The following SPA17 variants were observed in gnomAD, a reference collection of about 807,000 sequenced individuals.
SPA17 encodes the protein sperm autoantigenic protein 17.
SPA17 carries 7 observed loss-of-function variants against 13.8 expected under a neutral mutation model. The ratio of observed to expected loss-of-function variants is 0.51; its 90% CI spans 0.29 to 0.95. The LOEUF is 0.95. Among genes scored for constraint, SPA17 ranks in the 40% least tolerant of loss-of-function variants. The probability of loss-of-function intolerance (pLI) is 0.08; values close to 1 mark genes in which losing one functional copy is unlikely to be tolerated. For synonymous variants in SPA17, 61 were observed against 59.0 expected (o/e 1.03, Z -0.16); for missense variants, 170 against 179.3 (o/e 0.95, Z 0.30).
At chr11:124,690,333 G>A (rs1159937715) in intron 3 of SPA17, among the ~76,000 whole-genome samples, 2 of 152,166 alleles carry the variant, frequency 1.3e-5, no homozygotes, top group Non-Finnish European at 2.9e-5. Context: ...GAAACAGGAG[G>A]CCATTATCTT....
intron 4 of SPA17, among the ~76,000 whole-genome samples, chr11:124,692,149 A>G (rs1328556903): frequency 6.6e-6 from 1 of 152,230 alleles, no homozygotes; most frequent in Non-Finnish European, 1.5e-5. Flanking sequence ...GGCAAATTTC[A>G]GAGATAACAA....
Position 124,695,524 on chromosome 11 carries a change from A to C in SPA17, c.*1078A>C, listed in dbSNP as rs1477630033. 1.3e-5 allele frequency: 2 copies of C among 152,190 alleles called. No homozygotes were observed. The highest frequency in any genetic ancestry group is 1.5e-5 in the Non-Finnish European group (1 of 68,026). The allele number at this position is 152,190 out of a possible 1,614,324, so 9.4% of individuals were successfully genotyped here. ...CCTTTTTGAGGCCTCTCCACCCTTGATTGTCCAAGAAACTGAGGGTTCATG... is the reference window on the plus strand; with the variant it reads ...CCTTTTTGAGGCCTCTCCACCCTTGCTTGTCCAAGAAACTGAGGGTTCATG... On this transcript the variant is annotated 3_prime_UTR_variant, in exon 5 of 5. Transcript: ENST00000227135.
In SPA17 at chr11:124,694,319, A is replaced by G; in HGVS notation, c.329A>G (p.Asp110Gly). 6.2e-7 allele frequency: 1 copy of G among 1,613,792 alleles called. No individual in the cohort carries two copies. The change falls in exon 5 of 5, where the codon GAT becomes GGT. Residue 110 changes from aspartate (D) to glycine (G), a missense_variant. Transcript: ENST00000227135. ...SVTILDSSEEDKEKEEVAAVK... is the reference protein window; with the variant it reads ...SVTILDSSEEGKEKEEVAAVK... Reference sequence around the variant, plus strand: ...TCGATGAAGGACTCTTCTGAGGAAGATAAGGAAAAAGAAGAGGTTGCTGCT... The same window carrying G: ...TCGATGAAGGACTCTTCTGAGGAAGGTAAGGAAAAAGAAGAGGTTGCTGCT...
chr11:124,694,471 A>G lies in SPA17; in HGVS notation c.*25A>G, dbSNP rs375034133. 1.3e-6 allele frequency: 2 copies of G among 1,577,260 alleles called. No individual in the cohort carries two copies. Among genetic ancestry groups the G allele is most frequent in the African/African-American group, 2.7e-5 (2 of 72,938 alleles). On this transcript the variant is annotated 3_prime_UTR_variant, in exon 5 of 5. Transcript: ENST00000227135. ...AGGACACTGGTTTTACCTCCAGGAA[A>G]CATGAAAAATAATCCAAATCCATCA...
At chr11:124,679,186 T>A (rs76626799) in intron 2 of SPA17, among the ~76,000 whole-genome samples, 3,508 of 151,240 alleles carry the variant, frequency 0.023, 61 homozygotes, top group Non-Finnish European at 0.034. Context: ...GTGAAACATA[T>A]GAGCCTAACT....
chr11:124,677,550 A>G (rs1943482008), intron 2 of SPA17, among the ~76,000 whole-genome samples: 1 of 152,234 alleles, frequency 6.6e-6, no homozygotes, highest in African/African-American at 2.4e-5. Context: ...GAAAATATGG[A>G]TGAATTTCTC....
intron 3 of SPA17, among the ~76,000 whole-genome samples, chr11:124,688,895 A>T (rs1398559099): frequency 6.6e-6 from 1 of 152,212 alleles, no homozygotes; most frequent in African/African-American, 2.4e-5. Flanking sequence ...AAAAGACAGC[A>T]ATTACTTTTG....
chr11:124,678,518 G>C (rs184797897), intron 2 of SPA17, among the ~76,000 whole-genome samples: 20 of 125,718 alleles, frequency 1.6e-4, no homozygotes, highest in East Asian at 1.0e-3. Flanking sequence ...ATACATAACT[G>C]TGTGTGTGTG....
intron 3 of SPA17, among the ~76,000 whole-genome samples, chr11:124,689,266 G>A (rs903427524): frequency 7.2e-5 from 11 of 152,154 alleles, no homozygotes; most frequent in African/African-American, 2.7e-4. Flanking sequence ...AAGAATGTAT[G>A]ACTAAGATCA....
At chr11:124,680,571 T>C (rs937126702) in intron 2 of SPA17, among the ~76,000 whole-genome samples, 22 of 152,134 alleles carry the variant, frequency 1.4e-4, no homozygotes, top group African/African-American at 4.6e-4. Context: ...AACAAATAAA[T>C]AGACAATGGA....
At chr11:124,686,374 T>G (rs1018932374) in intron 3 of SPA17, among the ~76,000 whole-genome samples, 5 of 152,216 alleles carry the variant, frequency 3.3e-5, no homozygotes, top group African/African-American at 7.2e-5. Flanking sequence ...CAGGTATTTC[T>G]TCATAACACT....
chr11:124,684,178 A>T (rs1565424932), intron 3 of SPA17, among the ~76,000 whole-genome samples: 1 of 152,210 alleles, frequency 6.6e-6, no homozygotes, highest in Non-Finnish European at 1.5e-5. Flanking sequence ...GCCATGCAGA[A>T]CTGTGAATCA....
At position 124,694,539 on chromosome 11, in the gene SPA17, G is replaced by C; in HGVS notation, c.*93G>C. The C allele has an allele frequency of 6.8e-7, 1 of 1,476,634 alleles. No individual in the cohort carries two copies. The allele number at this position is 1,476,634 out of a possible 1,614,324, so 91.5% of individuals were successfully genotyped here. A position where few individuals can be genotyped will look rare whatever the true frequency, so the allele number is the denominator to read the frequency against. On this transcript the variant is annotated 3_prime_UTR_variant, in exon 5 of 5. Transcript: ENST00000227135. ...ATTTCTTCCTGAGGAAGGAAGATTT[G>C]ATGTTGTGAAATAACATTCGTTACT... is the stretch of plus-strand genomic sequence containing the variant.
chr11:124,696,373 G>A lies in SPA17; in HGVS notation c.*1927G>A, dbSNP rs1441960502. The A allele has an allele frequency of 6.6e-6, 1 of 151,716 alleles. No homozygotes were observed. Among genetic ancestry groups the A allele is most frequent in the Non-Finnish European group, 1.5e-5 (1 of 67,950 alleles). 9.4% of individuals were successfully genotyped at this position (151,716 alleles called of 1,614,324 possible). On this transcript the variant is annotated 3_prime_UTR_variant, in exon 5 of 5. Transcript: ENST00000227135. The stretch of plus-strand genomic sequence containing the variant: ...TGGAGAGATCAGAAGAGGAAAAAAG[G>A]GATTTTTTCCCTAGTGAGTATATAG...
chr11:124,687,314 A>G (rs1337437796), intron 3 of SPA17, among the ~76,000 whole-genome samples: 2 of 151,418 alleles, frequency 1.3e-5, no homozygotes, highest in African/African-American at 4.9e-5. Flanking sequence ...CCCCAACACC[A>G]CCAAAAAAAA....
rs1943418041 is a variant in SPA17 at position 124,673,917 on chromosome 11, AC to A, written c.-61del. The A allele has an allele frequency of 1.7e-6, 1 of 591,206 alleles. No individual in the cohort carries two copies. The highest frequency in any genetic ancestry group is 1.9e-5 in the African/African-American group (1 of 52,758). The allele number at this position is 591,206 out of a possible 1,614,324, so 36.6% of individuals were successfully genotyped here. A position where few individuals can be genotyped will look rare whatever the true frequency, so the allele number is the denominator to read the frequency against. ...CGGTTACCCAGCAACTAGAAAAACA[AC>A]CGGAACCGGCGGCACCAGCTCGGAG... On this transcript the variant is annotated 5_prime_UTR_variant, in exon 1 of 5. Coordinates refer to ENST00000227135, the MANE Select transcript of SPA17 (RefSeq NM_017425.4).
At chr11:124,681,783 G>T (rs1189292153) in intron 3 of SPA17, among the ~76,000 whole-genome samples, 1 of 151,986 alleles carries the variant, frequency 6.6e-6, no homozygotes, top group Non-Finnish European at 1.5e-5. Context: ...CAGGAAGAAG[G>T]TGCTTAAAAG....
intron 4 of SPA17, among the ~76,000 whole-genome samples, chr11:124,692,801 A>G (rs749182799): frequency 6.6e-6 from 1 of 152,314 alleles, no homozygotes; most frequent in East Asian, 1.9e-4. Context: ...ACTAGGCCTC[A>G]TAAGAAAGAA....
intron 3 of SPA17, among the ~76,000 whole-genome samples, chr11:124,689,777 A>G (rs1020460186): frequency 1.2e-4 from 19 of 152,100 alleles, no homozygotes; most frequent in Non-Finnish European, 2.4e-4. Flanking sequence ...AAGAAAAAGA[A>G]AAAGAAAAAA....
Sources: gnomAD v4.1 joint callset for allele counts (sites outside exome capture counted in the v4.1 genomes callset) on GRCh38, gnomAD v4.1.1 for gene constraint, MANE v1.5 for transcripts, NCBI Gene and HGNC (gene_info 2026-07-23, HGNC 2026-07-21) for gene names.